INTS4: variants seen among roughly 807,000 people sequenced by gnomAD.
INTS4 encodes MSTP093.
A neutral mutation model predicts 119.5 loss-of-function variants in INTS4; 70 were observed. The ratio of observed to expected loss-of-function variants is 0.59; its 90% confidence interval spans 0.48 to 0.71. The LOEUF (loss-of-function observed/expected upper bound fraction) is 0.71, where lower values mean the gene tolerates loss of function less well. Among genes scored for constraint, INTS4 ranks in the 30% least tolerant of loss-of-function variants. The pLI is 0.00. For missense variants in INTS4, 867 were observed against 1,173.2 expected (o/e 0.74, Z 3.81); for synonymous variants, 316 against 419.6 (o/e 0.75, Z 3.02).
At chr11:77,920,583 T>C (rs1321219032) in intron 14 of INTS4, among the ~76,000 whole-genome samples, 2 of 152,084 alleles carry the variant, frequency 1.3e-5, no homozygotes, top group African/African-American at 4.8e-5. Flanking sequence ...CTGGGTGTGG[T>C]GGCTCATGCC....
chr11:77,884,511 G>T (rs1192664162), intron 21 of INTS4, among the ~76,000 whole-genome samples: 1 of 152,178 alleles, frequency 6.6e-6, no homozygotes, highest in Non-Finnish European at 1.5e-5. Flanking sequence ...CCAGCTCCCT[G>T]TGTAGACAGC....
At chr11:77,948,679 AAGAAG>A (rs1409713470) in intron 8 of INTS4, among the ~76,000 whole-genome samples, 1 of 40,988 alleles carries the variant, frequency 2.4e-5, no homozygotes, top group Non-Finnish European at 4.7e-5. Context: ...AAAAAAAAAA[AAGAAG>A]AAGAAGAAGA....
chr11:77,930,173 C>T (rs1442759429), intron 10 of INTS4, among the ~76,000 whole-genome samples: 2 of 152,098 alleles, frequency 1.3e-5, no homozygotes, highest in East Asian at 1.9e-4. Flanking sequence ...TTCCCATATG[C>T]TTCTGTAACA....
chr11:77,884,186 G>C (rs1293564359), intron 21 of INTS4, among the ~76,000 whole-genome samples: 1 of 152,120 alleles, frequency 6.6e-6, no homozygotes, highest in African/African-American at 2.4e-5. Flanking sequence ...TATGAACAGA[G>C]TGTCTCTATT....
chr11:77,885,813 C>G (rs1163403495), intron 21 of INTS4, among the ~76,000 whole-genome samples: 1 of 150,714 alleles, frequency 6.6e-6, no homozygotes, highest in Non-Finnish European at 1.5e-5. Flanking sequence ...GAGTGAGATT[C>G]TGTCTCAAAA....
chr11:77,923,222 G>A (rs1392546748), intron 12 of INTS4, among the ~76,000 whole-genome samples: 1 of 150,664 alleles, frequency 6.6e-6, no homozygotes, highest in Non-Finnish European at 1.5e-5. Flanking sequence ...GGAGGCTGAG[G>A]CAGGAGAATC....
In INTS4 at chr11:77,907,711, A is replaced by T. The variant is rs747303681; in HGVS notation, c.2016+6T>A. The T allele has an allele frequency of 6.2e-7, 1 of 1,608,956 alleles. No homozygotes were observed. Among genetic ancestry groups the T allele is most frequent in the African/African-American group, 1.3e-5 (1 of 74,800 alleles). On this transcript the variant is annotated splice_donor_region_variant and intron_variant, in intron 16 of 22. Coordinates refer to ENST00000534064, the MANE Select transcript of INTS4 (RefSeq NM_033547.4). ...ACAATCATAAATGGAATGGATGCAAACCAACCTTGATGAGAAGTAGTTGAC... is the reference window on the plus strand; with the variant it reads ...ACAATCATAAATGGAATGGATGCAATCCAACCTTGATGAGAAGTAGTTGAC...
intron 15 of INTS4, among the ~76,000 whole-genome samples, chr11:77,909,001 G>T (rs1346972647): frequency 6.6e-6 from 1 of 152,124 alleles, no homozygotes. Flanking sequence ...AGTGCACATT[G>T]TCTGTCTGGA....
At chr11:77,994,524 G>A in intron 1 of INTS4, 66 bp downstream of exon 1, 1 of 1,294,380 alleles carries the variant, frequency 7.7e-7, no homozygotes, top group Non-Finnish European at 1.1e-6. Flanking sequence ...TTCCGGCAAA[G>A]TGCCTGGGAT....
chr11:77,928,006 AAAG>A (rs1036504942), intron 11 of INTS4, among the ~76,000 whole-genome samples: 1 of 152,282 alleles, frequency 6.6e-6, no homozygotes, highest in African/African-American at 2.4e-5. Flanking sequence ...CCCTGTCTCA[AAAG>A]AAGAAGGCAA....
intron 12 of INTS4, chr11:77,922,837 T>G: frequency 3.3e-6 from 1 of 299,200 alleles, no homozygotes; most frequent in Non-Finnish European, 6.4e-6. Flanking sequence ...GCAATCCCAT[T>G]CCCATTTTCC....
At chr11:77,877,022 T>C (rs1951615224), downstream of INTS4, 2 of 703,044 alleles carry the variant, frequency 2.8e-6, no homozygotes, top group Admixed American at 2.0e-5. Flanking sequence ...TACAGCTTCA[T>C]GGCACATCCT....
intron 8 of INTS4, among the ~76,000 whole-genome samples, chr11:77,949,089 C>T (rs2136547934): frequency 6.6e-6 from 1 of 152,056 alleles, no homozygotes; most frequent in Non-Finnish European, 1.5e-5. Context: ...CGCACTCCAG[C>T]CTAGGCAACA....
At chr11:77,939,311 A>C (rs956621892) in intron 9 of INTS4, among the ~76,000 whole-genome samples, 2 of 152,236 alleles carry the variant, frequency 1.3e-5, no homozygotes, top group Non-Finnish European at 2.9e-5. Flanking sequence ...CTCCATCTCT[A>C]CTATAAGTAC....
intron 8 of INTS4, among the ~76,000 whole-genome samples, chr11:77,949,459 A>C (rs1461671651): frequency 4.0e-5 from 6 of 151,878 alleles, no homozygotes; most frequent in South Asian, 2.1e-4. Flanking sequence ...AAATTTTTGC[A>C]ATCTATCCAT....
intron 9 of INTS4, among the ~76,000 whole-genome samples, chr11:77,939,493 C>T (rs1953877910): frequency 1.3e-5 from 2 of 151,672 alleles, no homozygotes; most frequent in African/African-American, 4.8e-5. Flanking sequence ...TATTTGGCAA[C>T]ATTGCGTTCT....
chr11:77,903,212 T>C (rs1343911713), intron 17 of INTS4, among the ~76,000 whole-genome samples: 1 of 152,224 alleles, frequency 6.6e-6, no homozygotes, highest in Admixed American at 6.5e-5. Flanking sequence ...CTAGTTATGC[T>C]CCTTCTCATA....
At chr11:77,911,190 T>C (rs1300377839) in intron 15 of INTS4, 11 of 1,153,924 alleles carry the variant, frequency 9.5e-6, no homozygotes, top group African/African-American at 3.2e-5. Context: ...CTCAAAGTGA[T>C]TGAAGAATTA....
chr11:77,883,903 T>C lies in INTS4; in HGVS notation c.2642A>G (p.Asp881Gly). ...CCGCCCTGGGCCAGGATTCCGGAAG[T>C]CTGCAGGCTTGGGGTGAATCATCTG... Reference protein sequence around the residue: ...QAQMIHPKPADFRNPGPGRHR... With the variant: ...QAQMIHPKPAGFRNPGPGRHR... Residue 881 changes from aspartate (D) to glycine (G), a missense_variant, in exon 22 of 23, where the codon GAC (aspartate) becomes GGC (glycine). Asp to Gly is a moderately conservative substitution (Grantham distance 94). Around this residue, in one of 5 missense-constraint regions of INTS4, gnomAD observed 122 missense variants for 133.2 expected, o/e 0.92. Transcript: ENST00000534064. 6.2e-7 allele frequency: 1 copy of C among 1,613,222 alleles called. No homozygotes were observed. The highest frequency in any genetic ancestry group is 8.5e-7 in the Non-Finnish European group (1 of 1,179,612).
Sources: allele counts gnomAD v4.1 joint callset (sites outside exome capture counted in the v4.1 genomes callset), GRCh38; gene constraint gnomAD v4.1.1; regional missense constraint gnomAD v4.1.1; transcripts MANE v1.5; gene names NCBI Gene and HGNC (gene_info 2026-07-23, HGNC 2026-07-21).